Variants in DEUP1 observed in about 807,000 individuals in gnomAD.
DEUP1 encodes coiled-coil domain containing 67.
Under a neutral mutation model 87.4 loss-of-function variants are expected in DEUP1, and 82 were observed. That is an observed-to-expected ratio of 0.94 (90% CI 0.78 to 1.13). The LOEUF (loss-of-function observed/expected upper bound fraction) is 1.13, where lower values mean the gene tolerates loss of function less well. Among genes scored for constraint, DEUP1 ranks in the 50% most tolerant of loss-of-function variants. The pLI is 0.00. For synonymous variants in DEUP1, 214 were observed against 222.7 expected, an observed-to-expected ratio of 0.96 and a Z score of 0.35; for missense variants, 663 against 681.5, an observed-to-expected ratio of 0.97 and a Z score of 0.30.
At chr11:93,421,080 C>T (rs1206363365) in intron 13 of DEUP1, among the ~76,000 whole-genome samples, 1 of 26,886 alleles carries the variant, frequency 3.7e-5, no homozygotes, top group Non-Finnish European at 6.6e-5. Context: ...GTACCGGGTT[C>T]ATCTCACTAG....
rs1225455845 is a variant in DEUP1 at position 93,371,143 on chromosome 11, G to A, written c.652G>A (p.Glu218Lys). ...RLICDPDPNC[E>K]INERDEFIIE... ...GATATGTGACCCAGATCCCAATTGT[G>A]AAATCAATGAAAGAGATGAGTTCAT... The change falls in exon 7 of 14, where the codon GAA (glutamate) becomes AAA (lysine). Residue 218 changes from glutamate to lysine, a missense_variant. Glu to Lys is a moderately conservative substitution (Grantham distance 56, BLOSUM62 1). Coordinates refer to ENST00000298050, the MANE Select transcript of DEUP1 (RefSeq NM_181645.4). The A allele has an allele frequency of 6.2e-7, 1 of 1,613,022 alleles. No homozygotes were observed. The highest frequency in any genetic ancestry group is 2.2e-5 in the East Asian group (1 of 44,816).
intron 11 of DEUP1, among the ~76,000 whole-genome samples, chr11:93,401,119 C>T (rs1947104916): frequency 6.6e-6 from 1 of 151,946 alleles, no homozygotes; most frequent in Non-Finnish European, 1.5e-5. Flanking sequence ...TAAAAACATA[C>T]CAAAACAAGT....
In DEUP1 at chr11:93,415,050, C is replaced by T; in HGVS notation, c.1574C>T (p.Pro525Leu). Residue 525 changes from proline to leucine, a missense_variant, in exon 13 of 14, where the codon CCT becomes CTT. Transcript: ENST00000298050. Reference sequence around the variant, plus strand: ...AGAAGTACAATGCCTCCCTTGCCACCTTCGACATTTCAAGCCAAAGAAATG... The same window carrying T: ...AGAAGTACAATGCCTCCCTTGCCACTTTCGACATTTCAAGCCAAAGAAATG... ...PNRSTMPPLP[P>L]STFQAKEMTS... 6.2e-7 allele frequency: 1 copy of T among 1,607,402 alleles called. No individual in the cohort carries two copies. The highest frequency in any genetic ancestry group is 8.5e-7 in the Non-Finnish European group (1 of 1,177,542).
At chr11:93,349,496 G>A (rs1944523105) in intron 2 of DEUP1, among the ~76,000 whole-genome samples, 1 of 152,042 alleles carries the variant, frequency 6.6e-6, no homozygotes, top group Non-Finnish European at 1.5e-5. Flanking sequence ...CTAAACCAAA[G>A]GATCTGTGAG....
chr11:93,351,575 C>T (rs1482272678), intron 2 of DEUP1, among the ~76,000 whole-genome samples: 14 of 152,160 alleles, frequency 9.2e-5, no homozygotes, highest in Non-Finnish European at 1.5e-5. Flanking sequence ...GGTGTGGAAA[C>T]ACCAGGCCAT....
intron 5 of DEUP1, 78 bp from the exon 6 acceptor site, chr11:93,369,994 CA>C: frequency 4.8e-6 from 3 of 626,874 alleles, no homozygotes; most frequent in South Asian, 3.9e-5. Context: ...TGAAGATGTA[CA>C]AATGAAAGAA....
rs547557571 is a variant in DEUP1 at position 93,419,039 on chromosome 11, G to T, written c.1638+3925G>T. Among the ~76,000 whole-genome samples the T allele has an allele frequency of 1.9e-4, 28 of 149,632 alleles. No individual in the cohort carries two copies. In the South Asian group the frequency reaches 5.4e-3, roughly 29 times the overall value. ...ACACTCTGGGGACTGTTGTGGGGTG[G>T]CGGGAGGGGGGAGGGATAGCATTGG... On this transcript the variant is annotated intron_variant, in intron 13 of 13. Coordinates refer to ENST00000298050, the MANE Select transcript of DEUP1 (RefSeq NM_181645.4).
intron 5 of DEUP1, among the ~76,000 whole-genome samples, chr11:93,364,993 T>C (rs796443708): frequency 2.0e-5 from 3 of 152,176 alleles, no homozygotes; most frequent in African/African-American, 7.2e-5. Flanking sequence ...AGCAGAAAGA[T>C]TACACTATAA....
At chr11:93,390,253 C>T (rs1487492401) in intron 9 of DEUP1, among the ~76,000 whole-genome samples, 1 of 152,092 alleles carries the variant, frequency 6.6e-6, no homozygotes, top group Non-Finnish European at 1.5e-5. Context: ...TAAATTTTCC[C>T]ATAAATATAT....
In DEUP1 at chr11:93,437,837, AAATAATTT is replaced by A; in HGVS notation, c.*119_*126del. On this transcript the variant is annotated 3_prime_UTR_variant, in exon 14 of 14. Coordinates refer to ENST00000298050, the MANE Select transcript of DEUP1 (RefSeq NM_181645.4). Reference sequence around the variant, plus strand: ...GAAATTCTGTTCTGTTTCCTTGAGTAAATAATTTCCGTAAGGCAGCTAGAAAATAGTAA... The same window carrying A: ...GAAATTCTGTTCTGTTTCCTTGAGTACCGTAAGGCAGCTAGAAAATAGTAA... 1 of 671,418 alleles carries A rather than the reference AAATAATTT, an allele frequency of 1.5e-6. No homozygotes were observed. The highest frequency in any genetic ancestry group is 2.6e-6 in the Non-Finnish European group (1 of 379,462). The allele number at this position is 671,418 out of a possible 1,614,324, so 41.6% of individuals were successfully genotyped here.
intron 4 of DEUP1, among the ~76,000 whole-genome samples, chr11:93,362,577 T>C (rs1945226291): frequency 6.6e-6 from 1 of 151,852 alleles, no homozygotes; most frequent in Non-Finnish European, 1.5e-5. Flanking sequence ...TATGGAGACA[T>C]TGTAACCCAA....
intron 2 of DEUP1, among the ~76,000 whole-genome samples, chr11:93,348,104 C>T (rs1030569361): frequency 3.9e-5 from 6 of 152,140 alleles, no homozygotes; most frequent in African/African-American, 1.4e-4. Flanking sequence ...TTATCCTTTT[C>T]TCCTAGATTT....
intron 13 of DEUP1, among the ~76,000 whole-genome samples, chr11:93,427,596 A>C (rs1277753356): frequency 6.6e-6 from 1 of 151,114 alleles, no homozygotes; most frequent in Non-Finnish European, 1.5e-5. Flanking sequence ...CACCAAAAGC[A>C]ATGGCAACAA....
At chr11:93,382,045 T>A (rs972821987) in intron 7 of DEUP1, among the ~76,000 whole-genome samples, 2 of 152,160 alleles carry the variant, frequency 1.3e-5, no homozygotes, top group African/African-American at 4.8e-5. Flanking sequence ...GTTAAAAAAG[T>A]TGATTTACAT....
At position 93,437,548 on chromosome 11, in the gene DEUP1, C is replaced by G. The variant is rs2134529139; in HGVS notation, c.1644C>G (p.Pro548=). The G allele has an allele frequency of 6.2e-7, 1 of 1,609,840 alleles. No individual in the cohort carries two copies. The highest frequency in any genetic ancestry group is 2.2e-5 in the East Asian group (1 of 44,854). ...VSDDDVFPLS[P]PDMSFPASLA... is the part of the protein sequence containing the mutation. ...TTCTTTCTTTCTCTCTTTAGTCTCC[C>G]CCAGATATGTCCTTCCCAGCATCTT... The change falls in exon 14 of 14, where the codon CCC becomes CCG. Residue 548 remains proline (P), a synonymous_variant. Transcript: ENST00000298050.
In DEUP1 at chr11:93,368,744, G is replaced by T. The variant is rs578037253; in HGVS notation, c.433-1329G>T. ...GAGGTCAGGAGTTTGAGACCAGCCT[G>T]ACCAACATGGTGAAATGCTGTCTCT... On this transcript the variant is annotated intron_variant, in intron 5 of 13. Transcript: ENST00000298050. Among the ~76,000 whole-genome samples, 23 of 152,240 alleles carry T rather than the reference G, an allele frequency of 1.5e-4. No individual in the cohort carries two copies. The South Asian group carries it at 4.8e-3, about 32-fold the overall frequency.
chr11:93,415,969 CT>C (rs1413564699), intron 13 of DEUP1, among the ~76,000 whole-genome samples: 1 of 152,042 alleles, frequency 6.6e-6, no homozygotes, highest in South Asian at 2.1e-4. Flanking sequence ...TTTTATGAGT[CT>C]TTTGGTGCAT....
intron 7 of DEUP1, among the ~76,000 whole-genome samples, chr11:93,381,443 T>C (rs1946299417): frequency 6.6e-6 from 1 of 152,188 alleles, no homozygotes; most frequent in African/African-American, 2.4e-5. Context: ...AAAATTCTCT[T>C]TGTTTATGGC....
intron 11 of DEUP1, among the ~76,000 whole-genome samples, chr11:93,398,502 C>T (rs987013139): frequency 6.6e-6 from 1 of 151,814 alleles, no homozygotes; most frequent in Non-Finnish European, 1.5e-5. Flanking sequence ...GTATGAGTAC[C>T]TTTTAAAATT....
Sources: allele counts gnomAD v4.1 joint callset (sites outside exome capture counted in the v4.1 genomes callset), GRCh38; gene constraint gnomAD v4.1.1; transcripts MANE v1.5; gene names NCBI Gene and HGNC (gene_info 2026-07-23, HGNC 2026-07-21).